SRGAP3: variants seen among roughly 807,000 people sequenced by gnomAD.
SRGAP3 encodes the protein SLIT-ROBO Rho GTPase activating protein 3.
A neutral mutation model predicts 121.1 loss-of-function variants in SRGAP3; 39 were observed. That is an observed-to-expected ratio of 0.32 (90% CI 0.25 to 0.42). The LOEUF is 0.42. SRGAP3 is among the 10% of genes least tolerant of loss of function. The pLI, the probability that SRGAP3 is intolerant of heterozygous loss-of-function variation, is 1.00. For missense variants in SRGAP3, 1,213 were observed against 1,470.6 expected (o/e 0.82, Z 2.86); for synonymous variants, 601 against 570.0 (o/e 1.05, Z -0.77).
chr3:9,200,416 G>A (rs1490127218), intron 1 of SRGAP3, among the ~76,000 whole-genome samples: 1 of 152,082 alleles, frequency 6.6e-6, no homozygotes, highest in East Asian at 1.9e-4. Flanking sequence ...ATAGAAAGAT[G>A]AAAAAGACAA....
Position 8,992,942 on chromosome 3 carries a change from T to C in SRGAP3, c.2522A>G (p.His841Arg). ...SKNDLQSPTE[H>R]ISDYGFGGVM... The stretch of plus-strand genomic sequence containing the variant: ...CCCCCCAAAGCCGTAATCCGAGATG[T>C]GCTCCGTGGGGGACTGGAGGTCGTT... Residue 841 changes from histidine to arginine, a missense_variant, in exon 20 of 22, where the codon CAC becomes CGC. By Grantham distance (29) the His-to-Arg change is conservative. Coordinates refer to ENST00000383836, the MANE Select transcript of SRGAP3 (RefSeq NM_014850.4). 1 of 1,614,210 alleles carries C rather than the reference T, an allele frequency of 6.2e-7. No individual in the cohort carries two copies. Among genetic ancestry groups the C allele is most frequent in the Non-Finnish European group, 8.5e-7 (1 of 1,180,042 alleles).
intron 3 of SRGAP3, among the ~76,000 whole-genome samples, chr3:9,316,558 G>A (rs898201649): frequency 3.3e-5 from 5 of 152,042 alleles, no homozygotes; most frequent in Non-Finnish European, 7.4e-5. Context: ...TACTCGGGAG[G>A]CTGAGGCAGG....
chr3:9,136,310 TGCGCCCA>T (rs1289027424), intron 1 of SRGAP3, among the ~76,000 whole-genome samples: 1 of 151,486 alleles, frequency 6.6e-6, no homozygotes, highest in Non-Finnish European at 1.5e-5. Flanking sequence ...GCAGGATCCG[TGCGCCCA>T]GCGCCGGGGC....
intron 1 of SRGAP3, among the ~76,000 whole-genome samples, chr3:9,219,806 G>A (rs370878943): frequency 2.3e-3 from 353 of 152,196 alleles, no homozygotes; most frequent in African/African-American, 8.4e-3. Context: ...AGCCAAGATC[G>A]CACCACTGAA....
intron 1 of SRGAP3, among the ~76,000 whole-genome samples, chr3:9,356,923 T>C (rs1275160366): frequency 1.3e-5 from 2 of 152,246 alleles, no homozygotes; most frequent in Non-Finnish European, 2.9e-5. Flanking sequence ...AATCTCATTA[T>C]TGCTAGTTTG....
intron 1 of SRGAP3, among the ~76,000 whole-genome samples, chr3:9,168,405 T>C (rs539144003): frequency 1.6e-4 from 25 of 152,334 alleles, no homozygotes; most frequent in African/African-American, 6.0e-4. Context: ...GGACTGGAGC[T>C]GAGGCCCTGC....
At chr3:9,247,367 AAG>A (rs1225627352) in intron 1 of SRGAP3, among the ~76,000 whole-genome samples, 2 of 152,194 alleles carry the variant, frequency 1.3e-5, no homozygotes, top group African/African-American at 4.8e-5. Flanking sequence ...GAGACCAGGG[AAG>A]AGCAGGGTTT....
intron 2 of SRGAP3, among the ~76,000 whole-genome samples, chr3:9,105,780 C>T (rs150326284): frequency 2.3e-4 from 35 of 152,208 alleles, no homozygotes; most frequent in Non-Finnish European, 4.3e-4. Context: ...CCTCAACTTA[C>T]TACAGGGCTA....
rs200165462 is a variant in SRGAP3 at position 8,990,718 on chromosome 3, T to C, written c.2680A>G (p.Ser894Gly). The change falls in exon 21 of 22, where the codon AGC (serine) becomes GGC (glycine). Residue 894 changes from serine to glycine, a missense_variant. By Grantham distance (56) the Ser-to-Gly change is moderately conservative (BLOSUM62 0). Coordinates refer to ENST00000383836, the MANE Select transcript of SRGAP3 (RefSeq NM_014850.4). ...DTPPRAAACP[S>G]SPHKIPLTRG... ...GTGAGGGGGATTTTGTGGGGGCTGC[T>C]GGGGCAGGCAGCAGCCCGGGGTGGT... is the stretch of plus-strand genomic sequence containing the variant. 9.0e-4 allele frequency: 1,445 copies of C among 1,611,726 alleles called. 14 individuals are homozygous for C. In the African/African-American group the frequency reaches 0.016, roughly 18 times the overall value.
chr3:9,146,761 G>C (rs530033802), intron 1 of SRGAP3, among the ~76,000 whole-genome samples: 3 of 152,336 alleles, frequency 2.0e-5, no homozygotes, highest in South Asian at 2.1e-4. Flanking sequence ...TGCTAGAAGA[G>C]GAGCGGGAAC....
intron 3 of SRGAP3, among the ~76,000 whole-genome samples, chr3:9,259,541 T>C (rs1037955437): frequency 1.3e-5 from 2 of 152,170 alleles, no homozygotes; most frequent in East Asian, 3.9e-4. Flanking sequence ...AGACCTGGGC[T>C]CAAAGGATCT....
chr3:9,039,923 T>G (rs957878704), intron 10 of SRGAP3, among the ~76,000 whole-genome samples: 1 of 152,224 alleles, frequency 6.6e-6, no homozygotes, highest in Non-Finnish European at 1.5e-5. Flanking sequence ...ATGTTTCCCA[T>G]AGCACTCTTT....
intron 1 of SRGAP3, among the ~76,000 whole-genome samples, chr3:9,131,309 G>T (rs1949435805): frequency 6.6e-6 from 1 of 152,040 alleles, no homozygotes; most frequent in South Asian, 2.1e-4. Context: ...GGAGGGAAAG[G>T]GGTTGGAAAG....
At chr3:9,064,360 G>C (rs1239675798) in intron 5 of SRGAP3, 36 bp downstream of exon 5, 1 of 1,613,792 alleles carries the variant, frequency 6.2e-7, no homozygotes. Flanking sequence ...TTTGTGCCCT[G>C]TCCCCAATCG....
intron 3 of SRGAP3, chr3:9,292,907 T>A (rs1172291432): frequency 1.3e-5 from 2 of 152,144 alleles, no homozygotes; most frequent in African/African-American, 2.4e-5. Context: ...TTGTCTTCTG[T>A]CATTTCTTCT....
chr3:9,064,982 C>G (rs1023300418), intron 4 of SRGAP3, among the ~76,000 whole-genome samples: 9 of 152,210 alleles, frequency 5.9e-5, no homozygotes, highest in African/African-American at 2.2e-4. Context: ...GCTGTCCTCT[C>G]TAGCCCTGCC....
chr3:9,096,518 CT>C (rs1467085786), intron 3 of SRGAP3, among the ~76,000 whole-genome samples: 1 of 152,070 alleles, frequency 6.6e-6, no homozygotes, highest in African/African-American at 2.4e-5. Flanking sequence ...TTGATAATAC[CT>C]TTTATCAGGC....
chr3:9,214,754 G>A (rs937350219), intron 1 of SRGAP3, among the ~76,000 whole-genome samples: 3 of 152,132 alleles, frequency 2.0e-5, no homozygotes, highest in East Asian at 3.9e-4. Context: ...GAATTTGGGG[G>A]TAAGAGAAAT....
At chr3:9,037,088 G>A (rs1349663030) in intron 11 of SRGAP3, 1 of 152,104 alleles carries the variant, frequency 6.6e-6, no homozygotes, top group Non-Finnish European at 1.5e-5. Flanking sequence ...GGAGAGAGTT[G>A]GGAGTTCATC....
Sources: gnomAD v4.1 joint callset for allele counts (sites outside exome capture counted in the v4.1 genomes callset) on GRCh38, gnomAD v4.1.1 for gene constraint, MANE v1.5 for transcripts, NCBI Gene and HGNC (gene_info 2026-07-23, HGNC 2026-07-21) for gene names.